Variants in PHF14 observed in about 807,000 individuals in gnomAD.
PHF14 encodes the protein PHD finger protein 14.
In PHF14, 55 loss-of-function variants were observed where a neutral mutation model predicts 117.9. The observed-to-expected ratio is 0.47, with a 90% CI of 0.38 to 0.58. The LOEUF is 0.58. Among genes scored for constraint, PHF14 ranks in the 20% least tolerant of loss-of-function variants. The pLI is 0.00. For synonymous variants in PHF14, 409 were observed against 368.6 expected (o/e 1.11, Z -1.26); for missense variants, 978 against 1,122.2 (o/e 0.87, Z 1.84).
intron 14 of PHF14, 59 bp from the exon 15 acceptor site, chr7:11,061,732 T>G: frequency 8.1e-7 from 1 of 1,241,980 alleles, no homozygotes; most frequent in Non-Finnish European, 1.1e-6. Context: ...TTATTATTAA[T>G]TAAACATTAG....
At chr7:11,069,683 T>G (rs1437016360) in intron 16 of PHF14, among the ~76,000 whole-genome samples, 1 of 117,326 alleles carries the variant, frequency 8.5e-6, no homozygotes, top group African/African-American at 3.2e-5. Flanking sequence ...TCCCTTTCCC[T>G]TCCTTCCTTC....
chr7:11,141,909 GA>G (rs1174909316), intron 17 of PHF14, among the ~76,000 whole-genome samples: 1 of 151,848 alleles, frequency 6.6e-6, no homozygotes, highest in African/African-American at 2.4e-5. Context: ...TTCTGTGAGA[GA>G]AAAATACTAG....
chr7:10,982,500 C>T lies in PHF14; in HGVS notation c.241C>T (p.Leu81Phe), dbSNP rs778331814. Residue 81 changes from leucine (L) to phenylalanine (F), a missense_variant, in exon 3 of 18, where the codon CTT (leucine) becomes TTT (phenylalanine). Coordinates refer to ENST00000634607, the MANE Select transcript of PHF14 (RefSeq NM_001007157.2). The stretch of plus-strand genomic sequence containing the variant: ...AGATATTAAAGTAAAAGAAGAACAA[C>T]TTAAAAATTCTGCAGAGGAAGAAGT... ...NEDIKVKEEQ[L>F]KNSAEEEVLS... 6 of 1,561,008 alleles carry T rather than the reference C, an allele frequency of 3.8e-6. No individual in the cohort carries two copies. In the Admixed American group the frequency reaches 1.1e-4, roughly 28 times the overall value.
In PHF14 at chr7:11,094,480, G is replaced by A. The variant is rs918941527; in HGVS notation, c.2655-16870G>A. On this transcript the variant is annotated intron_variant, in intron 16 of 17. Coordinates refer to ENST00000634607, the MANE Select transcript of PHF14 (RefSeq NM_001007157.2). The stretch of plus-strand genomic sequence containing the variant: ...CTCCTCCTACTTCTCTCTTACAAGA[G>A]CTCTTTCCTGTGATTATATCAGGCC... Among the ~76,000 whole-genome samples the A allele has an allele frequency of 1.3e-5, 2 of 152,048 alleles. 1 individual carries two copies. The highest frequency in any genetic ancestry group is 2.9e-5 in the Non-Finnish European group (2 of 67,996).
At chr7:11,029,102 A>G (rs919745373) in intron 7 of PHF14, among the ~76,000 whole-genome samples, 6 of 151,956 alleles carry the variant, frequency 3.9e-5, no homozygotes, top group Admixed American at 2.6e-4. Flanking sequence ...TTTCAGCCCC[A>G]TGAATTATAG....
intron 7 of PHF14, 97 bp downstream of exon 7, chr7:11,028,915 C>T: frequency 9.8e-7 from 1 of 1,021,950 alleles, no homozygotes; most frequent in Non-Finnish European, 1.4e-6. Context: ...GAAATTTTAA[C>T]ATTTATTCTT....
intron 14 of PHF14, among the ~76,000 whole-genome samples, chr7:11,054,285 A>G (rs964879629): frequency 6.6e-6 from 1 of 151,760 alleles, no homozygotes; most frequent in Non-Finnish European, 1.5e-5. Flanking sequence ...TTAATCAATT[A>G]GAATTTAGGG....
intron 16 of PHF14, among the ~76,000 whole-genome samples, chr7:11,092,989 C>G (rs931624604): frequency 6.6e-6 from 1 of 152,182 alleles, no homozygotes; most frequent in Non-Finnish European, 1.5e-5. Flanking sequence ...TGTCTGTTGT[C>G]TCCCTGAGAC....
intron 16 of PHF14, among the ~76,000 whole-genome samples, chr7:11,079,827 C>T (rs879740654): frequency 1.3e-5 from 2 of 151,602 alleles, no homozygotes; most frequent in Admixed American, 6.6e-5. Flanking sequence ...TCTTCATTGT[C>T]GTCATCCTGT....
Position 11,104,817 on chromosome 7 carries a change from A to T in PHF14, c.2655-6533A>T, listed in dbSNP as rs1012175878. 3 of 758,800 alleles carry T rather than the reference A, an allele frequency of 4.0e-6. No individual in the cohort carries two copies. In the African/African-American group the frequency reaches 5.7e-5, roughly 14 times the overall value. The allele number at this position is 758,800 out of a possible 1,614,324, so 47.0% of individuals were successfully genotyped here. On this transcript the variant is annotated intron_variant, in intron 16 of 17. Transcript: ENST00000634607. ...AAATTTGCATTTCTAACAAGTTCCC[A>T]GCTGATGCTGATGCTACTGGCCTGG...
rs12667160 is a variant in PHF14, at chr7:11,131,130, C to A, written c.2772+19663C>A. ...TCCAAGTTTTGGCAGTTATGAATAA[C>A]GCTACTATAAACATTCAGGTACAAG... is the stretch of plus-strand genomic sequence containing the variant. On this transcript the variant is annotated intron_variant, in intron 17 of 17. Coordinates refer to ENST00000634607, the MANE Select transcript of PHF14 (RefSeq NM_001007157.2). 7.7e-3 allele frequency among the ~76,000 whole-genome samples: 1,165 copies of A among 151,606 alleles called. 11 individuals are homozygous for A. The highest frequency in any genetic ancestry group is 0.027 in the African/African-American group (1,114 of 41,394).
At chr7:11,088,640 C>T (rs1786515262) in intron 16 of PHF14, among the ~76,000 whole-genome samples, 2 of 151,528 alleles carry the variant, frequency 1.3e-5, no homozygotes, top group African/African-American at 4.9e-5. Flanking sequence ...CATAATAACC[C>T]TCCTGGGAAT....
At chr7:10,992,311 C>T (rs547004374) in intron 4 of PHF14, among the ~76,000 whole-genome samples, 25 of 151,118 alleles carry the variant, frequency 1.7e-4, no homozygotes, top group African/African-American at 5.6e-4. Flanking sequence ...GACTCAGCTT[C>T]CCAAAGTGCT....
chr7:11,082,300 A>T (rs1019542914), intron 16 of PHF14, among the ~76,000 whole-genome samples: 5 of 152,172 alleles, frequency 3.3e-5, no homozygotes, highest in Non-Finnish European at 7.3e-5. Context: ...GTGAGCCATG[A>T]TCACGTCACT....
chr7:11,098,860 G>A (rs1206587425), intron 16 of PHF14, among the ~76,000 whole-genome samples: 2 of 152,026 alleles, frequency 1.3e-5, no homozygotes, highest in African/African-American at 4.8e-5. Context: ...CTTAGACCAG[G>A]TTTTATAAAA....
At position 11,040,736 on chromosome 7, in the gene PHF14, G is replaced by A. The variant is rs1384407575; in HGVS notation, c.2141G>A (p.Gly714Asp). The A allele has an allele frequency of 1.3e-6, 2 of 1,564,208 alleles. No homozygotes were observed. The highest frequency in any genetic ancestry group is 1.7e-6 in the Non-Finnish European group (2 of 1,152,778). The change falls in exon 12 of 18, where the codon GGC becomes GAC. Residue 714 changes from glycine (G) to aspartate (D), a missense_variant. By Grantham distance (94) the Gly-to-Asp change is moderately conservative. Transcript: ENST00000634607. ...AGAAAACCAAGTAAAAAAGAAGGAG[G>A]CACACAAAAGACATCTACTCTTCCT... Reference protein sequence around the residue: ...KERKPSKKEGGTQKTSTLPAV... With the variant: ...KERKPSKKEGDTQKTSTLPAV...
chr7:10,994,008 C>CA (rs1166211936), intron 4 of PHF14, among the ~76,000 whole-genome samples: 1,508 of 81,898 alleles, frequency 0.018, 22 homozygotes, highest in African/African-American at 0.047. Flanking sequence ...GACTCTGTCT[C>CA]AAAAAAAAAA....
intron 16 of PHF14, among the ~76,000 whole-genome samples, chr7:11,092,473 T>C (rs955677241): frequency 3.9e-5 from 6 of 152,172 alleles, no homozygotes; most frequent in Non-Finnish European, 8.8e-5. Context: ...TGGTTCTCAA[T>C]TGGCTAGAGA....
chr7:11,062,758 A>G, intron 16 of PHF14: 1 of 985,252 alleles, frequency 1.0e-6, no homozygotes, highest in Non-Finnish European at 1.2e-6. Flanking sequence ...GGAAATGAAG[A>G]CATTGATCAA....
Sources: allele counts gnomAD v4.1 joint callset (sites outside exome capture counted in the v4.1 genomes callset), GRCh38; gene constraint gnomAD v4.1.1; transcripts MANE v1.5; gene names NCBI Gene and HGNC (gene_info 2026-07-23, HGNC 2026-07-21).